ERBB4: variants seen among roughly 807,000 people sequenced by gnomAD.
The protein encoded by ERBB4 is erb-b2 receptor tyrosine kinase 4.
Under a neutral mutation model 158.0 loss-of-function variants are expected in ERBB4, and 42 were observed. The observed-to-expected ratio is 0.27, with a 90% confidence interval of 0.21 to 0.34. ERBB4 has a LOEUF of 0.34. Among genes scored for constraint, ERBB4 ranks in the 10% least tolerant of loss-of-function variants. The pLI is 1.00. For synonymous variants in ERBB4, 583 were observed against 558.7 expected (o/e 1.04, Z -0.61); for missense variants, 1,333 against 1,624.1 (o/e 0.82, Z 3.08).
intron 20 of ERBB4, among the ~76,000 whole-genome samples, chr2:211,546,715 T>C (rs1222254136): frequency 2.0e-5 from 3 of 152,126 alleles, no homozygotes; most frequent in Non-Finnish European, 4.4e-5. Flanking sequence ...CTTTTCTTCA[T>C]AGCCACCATT....
At chr2:211,881,864 A>C (rs2078672502) in intron 3 of ERBB4, among the ~76,000 whole-genome samples, 1 of 152,016 alleles carries the variant, frequency 6.6e-6, no homozygotes, top group African/African-American at 2.4e-5. Context: ...GAGACAACGA[A>C]CCTTGGATAT....
chr2:211,498,085 A>G (rs1285359243), intron 20 of ERBB4, among the ~76,000 whole-genome samples: 1 of 152,086 alleles, frequency 6.6e-6, no homozygotes, highest in Non-Finnish European at 1.5e-5. Context: ...CATGTGGAGC[A>G]CCACATGAAA....
rs1006387144 is a variant in ERBB4 at position 212,132,913 on chromosome 2, G to A, written c.83-8010C>T. On this transcript the variant is annotated intron_variant, in intron 1 of 27. Coordinates refer to ENST00000342788, the MANE Select transcript of ERBB4 (RefSeq NM_005235.3). ...CATAAGCCCATCCCTTGTTAACGTG[G>A]CACACATACACAACTTCTTAATCTG... Among the ~76,000 whole-genome samples, 3 of 152,058 alleles carry A rather than the reference G, an allele frequency of 2.0e-5. No individual in the cohort carries two copies. In the East Asian group the frequency reaches 5.8e-4, roughly 29 times the overall value.
At chr2:212,449,503 A>G (rs560174910) in intron 1 of ERBB4, among the ~76,000 whole-genome samples, 37 of 152,266 alleles carry the variant, frequency 2.4e-4, no homozygotes, top group Admixed American at 1.2e-3. Flanking sequence ...TTAATTACGT[A>G]TAGCTTTCCC....
intron 1 of ERBB4, among the ~76,000 whole-genome samples, chr2:212,466,359 G>A (rs558098262): frequency 1.3e-5 from 2 of 152,246 alleles, no homozygotes; most frequent in South Asian, 2.1e-4. Context: ...TGGTGATATG[G>A]TTTGGCTCTG....
At chr2:212,200,950 A>C (rs1312279092) in intron 1 of ERBB4, among the ~76,000 whole-genome samples, 1 of 152,174 alleles carries the variant, frequency 6.6e-6, no homozygotes, top group Admixed American at 6.5e-5. Context: ...TCAGTAGGGT[A>C]GTGCTTGTTT....
chr2:212,061,961 C>T (rs1457663925), intron 2 of ERBB4, among the ~76,000 whole-genome samples: 1 of 152,000 alleles, frequency 6.6e-6, no homozygotes, highest in Non-Finnish European at 1.5e-5. Flanking sequence ...TCTTGAACTC[C>T]TGACCTCAGG....
At chr2:211,612,526 C>A (rs1156824758) in intron 19 of ERBB4, among the ~76,000 whole-genome samples, 1 of 151,924 alleles carries the variant, frequency 6.6e-6, no homozygotes, top group Non-Finnish European at 1.5e-5. Context: ...ATAAGGATAA[C>A]TAGGAGTTCA....
Position 211,470,104 on chromosome 2 carries a change from G to A in ERBB4, c.2488-39004C>T, listed in dbSNP as rs138994771. Among the ~76,000 whole-genome samples, 804 of 151,300 alleles carry A rather than the reference G, an allele frequency of 5.3e-3. 7 individuals carry two copies. The highest frequency in any genetic ancestry group is 0.019 in the African/African-American group (779 of 41,224). On this transcript the variant is annotated intron_variant, in intron 20 of 27. Coordinates refer to ENST00000342788, the MANE Select transcript of ERBB4 (RefSeq NM_005235.3). ...TCCTAAAGGCACTTAGTGATTTCTCGCTTAAAAAAAAAGGGCTTCACTCCT... is the reference window on the plus strand; with the variant it reads ...TCCTAAAGGCACTTAGTGATTTCTCACTTAAAAAAAAAGGGCTTCACTCCT...
At chr2:211,526,760 GAATC>G (rs149859669) in intron 20 of ERBB4, among the ~76,000 whole-genome samples, 5,242 of 152,048 alleles carry the variant, frequency 0.034, 289 homozygotes, top group African/African-American at 0.12. Flanking sequence ...TAATTAAAGA[GAATC>G]AAGCAGAAAT....
chr2:212,277,858 A>C (rs1347419357), intron 1 of ERBB4, among the ~76,000 whole-genome samples: 1 of 151,746 alleles, frequency 6.6e-6, no homozygotes, highest in Admixed American at 6.6e-5. Context: ...GGAAATCAGT[A>C]AACAGAGGAG....
chr2:211,671,511 G>A (rs902615224), intron 14 of ERBB4, among the ~76,000 whole-genome samples: 2 of 152,108 alleles, frequency 1.3e-5, no homozygotes, highest in African/African-American at 4.8e-5. Flanking sequence ...CACCTGTAGT[G>A]ATTCACAAAT....
chr2:211,417,034 G>A (rs1187805854), intron 25 of ERBB4, among the ~76,000 whole-genome samples: 1 of 152,056 alleles, frequency 6.6e-6, no homozygotes, highest in Non-Finnish European at 1.5e-5. Context: ...CACTAAAAAG[G>A]TAATCTTCAT....
rs933574637 is a variant in ERBB4, at chr2:212,075,901, C to A, written c.234+48851G>T. Among the ~76,000 whole-genome samples, 6 of 151,840 alleles carry A rather than the reference C, an allele frequency of 4.0e-5. No individual in the cohort carries two copies. The Admixed American group carries it at 4.0e-4, about 10-fold the overall frequency. ...CTAAAGTTTCCAACATTTTTTATTT[C>A]TTCTATTGCTACATTTATGATAATA... On this transcript the variant is annotated intron_variant, in intron 2 of 27. Transcript: ENST00000342788.
intron 2 of ERBB4, among the ~76,000 whole-genome samples, chr2:212,054,925 T>A (rs2077508205): frequency 6.6e-6 from 1 of 152,148 alleles, no homozygotes; most frequent in Non-Finnish European, 1.5e-5. Flanking sequence ...ATCAGGTTCA[T>A]CTCACTGGGG....
At chr2:211,832,879 T>C (rs1178904464) in intron 3 of ERBB4, among the ~76,000 whole-genome samples, 1 of 141,324 alleles carries the variant, frequency 7.1e-6, no homozygotes, top group African/African-American at 2.6e-5. Flanking sequence ...AATAAGACTA[T>C]ATATATAGTT....
At chr2:212,422,654 T>C (rs1210397158) in intron 1 of ERBB4, among the ~76,000 whole-genome samples, 1 of 152,192 alleles carries the variant, frequency 6.6e-6, no homozygotes, top group Non-Finnish European at 1.5e-5. Flanking sequence ...ACCAAAACCT[T>C]TTACTGTGAG....
chr2:211,489,194 C>A (rs1461827624), intron 20 of ERBB4, among the ~76,000 whole-genome samples: 2 of 152,016 alleles, frequency 1.3e-5, no homozygotes, highest in African/African-American at 4.8e-5. Flanking sequence ...TTCACCACAG[C>A]TGACTGCTTA....
chr2:211,967,157 T>C (rs1421063618), intron 2 of ERBB4, among the ~76,000 whole-genome samples: 1 of 152,158 alleles, frequency 6.6e-6, no homozygotes, highest in Non-Finnish European at 1.5e-5. Flanking sequence ...CTTACCTTTG[T>C]TGAATTTGTT....
Sources: allele counts gnomAD v4.1 joint callset (sites outside exome capture counted in the v4.1 genomes callset), GRCh38; gene constraint gnomAD v4.1.1; transcripts MANE v1.5; gene names NCBI Gene and HGNC (gene_info 2026-07-23, HGNC 2026-07-21).